The following THADA variants were observed in gnomAD, a reference collection of about 807,000 sequenced individuals.
THADA encodes tRNA (32-2'-O)-methyltransferase regulator THADA.
In THADA, 213 loss-of-function variants were observed where a neutral mutation model predicts 219.8. The ratio of observed to expected loss-of-function variants is 0.97; its 90% CI spans 0.87 to 1.09. The LOEUF (loss-of-function observed/expected upper bound fraction) is 1.09. THADA is among the 50% of genes least tolerant of loss of function. The pLI, the probability that THADA is intolerant of heterozygous loss-of-function variation, is 0.00. For synonymous variants in THADA, 1,018 were observed against 828.9 expected, an observed-to-expected ratio of 1.23 and a Z score of -3.92; for missense variants, 2,956 against 2,311.3, an observed-to-expected ratio of 1.28 and a Z score of -5.72.
chr2:43,442,644 T>C (rs1458249192), intron 26 of THADA, among the ~76,000 whole-genome samples: 1 of 152,192 alleles, frequency 6.6e-6, no homozygotes, highest in Non-Finnish European at 1.5e-5. Context: ...CTAAGCAGCT[T>C]TGCTGTCTTA....
rs1356064931 is a variant in THADA, at chr2:43,398,064, G to T, written c.4134C>A (p.His1378Gln). The T allele has an allele frequency of 1.2e-6, 2 of 1,613,994 alleles. No homozygotes were observed. Among genetic ancestry groups the T allele is most frequent in the South Asian group, 2.2e-5 (2 of 91,082 alleles). Residue 1378 changes from histidine (H) to glutamine (Q), a missense_variant, in exon 29 of 38, where the codon CAC becomes CAA. Transcript: ENST00000405975. ...ACAGAGTTCGAATGGTATTAGGAATGTGATCTATCATAACAAATGGGACCA... is the reference window on the plus strand; with the variant it reads ...ACAGAGTTCGAATGGTATTAGGAATTTGATCTATCATAACAAATGGGACCA... ...RALVPFVMID[H>Q]IPNTIRTLLS...
At chr2:43,439,348 T>G (rs547236394) in intron 26 of THADA, among the ~76,000 whole-genome samples, 93 of 152,328 alleles carry the variant, frequency 6.1e-4, no homozygotes, top group Non-Finnish European at 9.0e-4. Flanking sequence ...TATTTCATTA[T>G]TAGTTACTGT....
At chr2:43,564,477 A>T (rs970870412) in intron 15 of THADA, 4 of 152,172 alleles carry the variant, frequency 2.6e-5, no homozygotes, top group African/African-American at 9.7e-5. Context: ...TGTTTGTCAA[A>T]TCTCTCTCTG....
At chr2:43,386,173 C>T (rs1672655043) in intron 29 of THADA, among the ~76,000 whole-genome samples, 1 of 152,064 alleles carries the variant, frequency 6.6e-6, no homozygotes, top group Admixed American at 6.5e-5. Context: ...GAGGATGAAG[C>T]AGGAAGGCAA....
chr2:43,388,150 C>T (rs1309278895), intron 29 of THADA, among the ~76,000 whole-genome samples: 2 of 152,276 alleles, frequency 1.3e-5, no homozygotes, highest in South Asian at 4.1e-4. Context: ...ATTCCATTTG[C>T]ATATACTAAA....
chr2:43,571,928 T>C, intron 12 of THADA, 66 bp from the exon 13 acceptor site: 1 of 1,520,716 alleles, frequency 6.6e-7, no homozygotes, highest in African/African-American at 1.4e-5. Context: ...ATCACTTGAA[T>C]TGCTTACTTA....
At chr2:43,389,900 T>C (rs567514440) in intron 29 of THADA, among the ~76,000 whole-genome samples, 12 of 152,300 alleles carry the variant, frequency 7.9e-5, no homozygotes, top group Non-Finnish European at 1.6e-4. Context: ...TTCTGTGTAA[T>C]TGTCTGCAGT....
chr2:43,533,291 G>GGAGTGTAAATTA (rs1188750701), intron 21 of THADA, among the ~76,000 whole-genome samples: 2 of 152,170 alleles, frequency 1.3e-5, no homozygotes, highest in African/African-American at 4.8e-5. Flanking sequence ...ACTGTTGGTG[G>GGAGTGTAAATTA]GAGTGTAAAT....
intron 29 of THADA, among the ~76,000 whole-genome samples, chr2:43,396,867 C>T (rs1400239728): frequency 6.6e-6 from 1 of 151,578 alleles, no homozygotes; most frequent in Non-Finnish European, 1.5e-5. Context: ...TTCTTATTAC[C>T]TAGGGGGAAT....
chr2:43,498,734 G>C (rs550721099), intron 25 of THADA, 99 bp downstream of exon 25: 9 of 1,266,356 alleles, frequency 7.1e-6, no homozygotes, highest in Middle Eastern at 2.0e-4. Context: ...CATGGTAAAG[G>C]GCAGGAAATA....
Position 43,590,873 on chromosome 2 carries a change from T to C in THADA, c.253A>G (p.Ile85Val), listed in dbSNP as rs1473122618. ...TTCTTTAGACTCAAAGAAAGATAAATGCCTGCTAAGATATCCAAACAACTT... is the reference window on the plus strand; with the variant it reads ...TTCTTTAGACTCAAAGAAAGATAAACGCCTGCTAAGATATCCAAACAACTT... ...IQSCLDILAG[I>V]YLSLSLKNPL... The change falls in exon 4 of 38, where the codon ATT becomes GTT. Residue 85 changes from isoleucine to valine, a missense_variant. Physicochemically the swap from Ile to Val is conservative, Grantham distance 29. Coordinates refer to ENST00000405975, the MANE Select transcript of THADA (RefSeq NM_022065.5). The C allele has an allele frequency of 1.2e-6, 2 of 1,613,878 alleles. No individual in the cohort carries two copies. The highest frequency in any genetic ancestry group is 1.7e-5 in the Admixed American group (1 of 60,020).
intron 36 of THADA, among the ~76,000 whole-genome samples, chr2:43,273,420 A>T (rs1672357421): frequency 1.3e-5 from 2 of 152,176 alleles, no homozygotes; most frequent in Non-Finnish European, 1.5e-5. Flanking sequence ...CTTTAGAAAA[A>T]GGTACTTGGT....
Position 43,467,580 on chromosome 2 carries a change from T to G in THADA, c.3836+17654A>C, listed in dbSNP as rs377390096. 5.3e-4 allele frequency among the ~76,000 whole-genome samples: 81 copies of G among 152,350 alleles called. No individual in the cohort carries two copies. In the South Asian group the frequency reaches 0.014, roughly 26 times the overall value. On this transcript the variant is annotated intron_variant, in intron 26 of 37. Transcript: ENST00000405975. ...TATTTTTATTTCCCTGTGGGTAAAC[T>G]GGTCCAAATAATTGGAAAAGTTTTC...
chr2:43,270,637 T>C (rs767329682), intron 36 of THADA, among the ~76,000 whole-genome samples: 1 of 152,228 alleles, frequency 6.6e-6, no homozygotes, highest in Non-Finnish European at 1.5e-5. Context: ...CTGACACTTA[T>C]CTGCCTTGGG....
chr2:43,419,229 C>T (rs886569873), intron 28 of THADA, among the ~76,000 whole-genome samples: 1 of 152,034 alleles, frequency 6.6e-6, no homozygotes, highest in East Asian at 1.9e-4. Context: ...GAAGAGTGAT[C>T]ACAATATAAA....
At chr2:43,422,898 T>G (rs1360292222) in intron 28 of THADA, among the ~76,000 whole-genome samples, 4 of 152,146 alleles carry the variant, frequency 2.6e-5, no homozygotes, top group African/African-American at 4.8e-5. Flanking sequence ...TTTTAAAATT[T>G]TTTGTAGAGA....
chr2:43,584,473 A>G (rs551507725), intron 7 of THADA, among the ~76,000 whole-genome samples: 3 of 152,360 alleles, frequency 2.0e-5, no homozygotes, highest in Admixed American at 1.3e-4. Context: ...AAGGAGAAAA[A>G]GAGACAAAGA....
intron 27 of THADA, among the ~76,000 whole-genome samples, chr2:43,428,658 CCTTTTTT>C (rs1240081237): frequency 6.6e-6 from 1 of 152,044 alleles, no homozygotes; most frequent in East Asian, 1.9e-4. Context: ...GGATAGTTTT[CCTTTTTT>C]CTTTTTTTTT....
At chr2:43,537,686 A>G (rs13413856) in intron 21 of THADA, among the ~76,000 whole-genome samples, 19,231 of 152,088 alleles carry the variant, frequency 0.13, 1,504 homozygotes, top group African/African-American at 0.22. Flanking sequence ...CAATTTTTAG[A>G]CCGGGCATGG....
Sources: gnomAD v4.1 joint callset for allele counts (sites outside exome capture counted in the v4.1 genomes callset) on GRCh38, gnomAD v4.1.1 for gene constraint, MANE v1.5 for transcripts, NCBI Gene and HGNC (gene_info 2026-07-23, HGNC 2026-07-21) for gene names.